ALDH6A1: variants seen among roughly 807,000 people sequenced by gnomAD.
ALDH6A1 encodes methylmalonate-semialdehyde/malonate-semialdehyde dehydrogenase [acylating], mitochondrial.
Under a neutral mutation model 62.6 loss-of-function variants are expected in ALDH6A1, and 43 were observed. That is an observed-to-expected ratio of 0.69 (90% confidence interval 0.54 to 0.89). The LOEUF (loss-of-function observed/expected upper bound fraction) is 0.89, where lower values mean the gene tolerates loss of function less well. Among genes scored for constraint, ALDH6A1 ranks in the 40% least tolerant of loss-of-function variants. The pLI is 0.00. For synonymous variants in ALDH6A1, 194 were observed against 234.2 expected, an observed-to-expected ratio of 0.83 and a Z score of 1.57; for missense variants, 551 against 661.3, an observed-to-expected ratio of 0.83 and a Z score of 1.83.
In ALDH6A1 at chr14:74,084,438, C is replaced by T; in HGVS notation, c.-44G>A. The T allele has an allele frequency of 1.2e-6, 2 of 1,608,984 alleles. No homozygotes were observed. The highest frequency in any genetic ancestry group is 1.1e-5 in the South Asian group (1 of 90,414). ...CTCCGCACCCCGCGCCTCTACTGCC[C>T]AGAAGCACTACAGCTGCCAGGCCTC... On this transcript the variant is annotated 5_prime_UTR_variant, in exon 1 of 12. Coordinates refer to ENST00000553458, the MANE Select transcript of ALDH6A1 (RefSeq NM_005589.4).
chr14:74,071,388 A>T lies in ALDH6A1; in HGVS notation c.537T>A (p.Cys179Ter). The T allele has an allele frequency of 1.9e-6, 3 of 1,614,178 alleles. No homozygotes were observed. Among genetic ancestry groups the T allele is most frequent in the Non-Finnish European group, 2.5e-6 (3 of 1,180,038 alleles). Residue 179 changes from cysteine (C) to a stop codon, truncating the protein, a stop_gained, in exon 6 of 12, where the codon TGT becomes TGA. Coordinates refer to ENST00000553458, the MANE Select transcript of ALDH6A1 (RefSeq NM_005589.4). LOFTEE classifies it high-confidence loss of function. ...GAAAATTGAATGGAGCAATGCCTGCACACACTCCCAGAGGCAGACGGTAGG... is the reference window on the plus strand; with the variant it reads ...GAAAATTGAATGGAGCAATGCCTGCTCACACTCCCAGAGGCAGACGGTAGG... Reference protein sequence around the residue: ...LYSYRLPLGVCAGIAPFNFPA... With the variant: ...LYSYRLPLGV
chr14:74,078,147 C>T, intron 1 of ALDH6A1: 1 of 453,278 alleles, frequency 2.2e-6, no homozygotes, highest in Non-Finnish European at 4.4e-6. Flanking sequence ...CCCAATTCTA[C>T]TAATTCCTCT....
At chr14:74,074,684 G>T (rs907012027) in intron 2 of ALDH6A1, among the ~76,000 whole-genome samples, 2 of 152,126 alleles carry the variant, frequency 1.3e-5, no homozygotes, top group Non-Finnish European at 2.9e-5. Flanking sequence ...TGCTGGAAGT[G>T]GTTGACAGAC....
At chr14:74,073,917 C>CAA (rs5809643) in intron 2 of ALDH6A1, among the ~76,000 whole-genome samples, 1,193 of 76,892 alleles carry the variant, frequency 0.016, 21 homozygotes, top group African/African-American at 0.056. Flanking sequence ...GACTCCATCT[C>CAA]AAAAAAAAAA....
intron 1 of ALDH6A1, among the ~76,000 whole-genome samples, chr14:74,077,409 A>G (rs1487464186): frequency 6.6e-6 from 1 of 152,164 alleles, no homozygotes; most frequent in Non-Finnish European, 1.5e-5. Flanking sequence ...TTTATAAGGA[A>G]AAGTAGTTTA....
At chr14:74,063,419 A>T (rs2060391025) in intron 11 of ALDH6A1, among the ~76,000 whole-genome samples, 1 of 151,944 alleles carries the variant, frequency 6.6e-6, no homozygotes, top group East Asian at 2.0e-4. Context: ...TCCTGACTTC[A>T]GGTGATCTGC....
intron 1 of ALDH6A1, among the ~76,000 whole-genome samples, chr14:74,081,570 G>C (rs2060668246): frequency 6.6e-6 from 1 of 152,122 alleles, no homozygotes; most frequent in African/African-American, 2.4e-5. Flanking sequence ...TGTTGCTGAA[G>C]AAACTATCCT....
intron 1 of ALDH6A1, among the ~76,000 whole-genome samples, chr14:74,077,902 G>A (rs1266110115): frequency 6.6e-6 from 1 of 152,254 alleles, no homozygotes; most frequent in Non-Finnish European, 1.5e-5. Context: ...TCCAGTTATA[G>A]AAAAGTAGTT....
In ALDH6A1 at chr14:74,059,947, C is replaced by T. The variant is rs1199078261; in HGVS notation, c.*695G>A. 6.5e-6 allele frequency: 1 copy of T among 153,370 alleles called. No individual in the cohort carries two copies. The allele number at this position is 153,370 out of a possible 1,614,324, so 9.5% of individuals were successfully genotyped here. On this transcript the variant is annotated 3_prime_UTR_variant, in exon 12 of 12. Coordinates refer to ENST00000553458, the MANE Select transcript of ALDH6A1 (RefSeq NM_005589.4). Reference sequence around the variant, plus strand: ...GAAAAGAAAGAAGCTGTTGCCACAACTTTGGGATATATAAAAATGGATTAT... The same window carrying T: ...GAAAAGAAAGAAGCTGTTGCCACAATTTTGGGATATATAAAAATGGATTAT...
chr14:74,081,708 G>T (rs942614515), intron 1 of ALDH6A1, among the ~76,000 whole-genome samples: 5 of 152,014 alleles, frequency 3.3e-5, no homozygotes, highest in Non-Finnish European at 1.5e-5. Flanking sequence ...CTTTCCCTAG[G>T]TCCCCACAGT....
chr14:74,078,443 T>G (rs1272639721), intron 1 of ALDH6A1: 1 of 278,060 alleles, frequency 3.6e-6, no homozygotes, highest in Admixed American at 4.8e-5. Flanking sequence ...AGCCTCCATC[T>G]CCTGGGCTCA....
rs1470471503 is a variant in ALDH6A1 at position 74,057,377 on chromosome 14, G to A, written c.*3265C>T. 6.4e-7 allele frequency: 1 copy of A among 1,558,296 alleles called. No individual in the cohort carries two copies. Among genetic ancestry groups the A allele is most frequent in the African/African-American group, 1.4e-5 (1 of 73,624 alleles). ...GAGAGACTTCAGGGATCAGTGGAAT[G>A]AGTAATAAATAGCATTAGTAGATTA... On this transcript the variant is annotated 3_prime_UTR_variant, in exon 12 of 12. Transcript: ENST00000553458.
chr14:74,074,125 T>C (rs2060584496), intron 2 of ALDH6A1, among the ~76,000 whole-genome samples: 1 of 150,092 alleles, frequency 6.7e-6, no homozygotes, highest in South Asian at 2.1e-4. Context: ...GCTGGGACCA[T>C]AGGTACGCAC....
At chr14:74,080,819 T>C (rs902394630) in intron 1 of ALDH6A1, among the ~76,000 whole-genome samples, 7 of 152,228 alleles carry the variant, frequency 4.6e-5, no homozygotes, top group African/African-American at 1.2e-4. Flanking sequence ...GGTCAGATTA[T>C]TCCCTTGTTT....
rs1053300473 is a variant in ALDH6A1, at chr14:74,071,231, CA to C, written c.693del (p.Asp232MetfsTer4). On this transcript the variant is annotated frameshift_variant, in exon 6 of 12. Coordinates refer to ENST00000553458, the MANE Select transcript of ALDH6A1 (RefSeq NM_005589.4). LOFTEE classifies it high-confidence loss of function. ...LAKLLQDSGAPDGTLNIIHGQ... is the reference protein window; with the variant it reads ...LAKLLQDSGAXDGTLNIIHGQ... ...CCATGGATGATGTTTAATGTTCCATCAGGGGCACCAGAATCCTGGAGCAACT... is the reference window on the plus strand; with the variant it reads ...CCATGGATGATGTTTAATGTTCCATCGGGGCACCAGAATCCTGGAGCAACT... 2 of 1,614,064 alleles carry C rather than the reference CA, an allele frequency of 1.2e-6. No homozygotes were observed. Among genetic ancestry groups the C allele is most frequent in the African/African-American group, 1.3e-5 (1 of 74,918 alleles).
intron 1 of ALDH6A1, chr14:74,082,648 C>G (rs1240958670): frequency 6.6e-6 from 1 of 152,098 alleles, no homozygotes; most frequent in Non-Finnish European, 1.5e-5. Context: ...GATCCACCCA[C>G]CTTGGCCTCC....
At chr14:74,070,704 C>T (rs2060537598) in intron 6 of ALDH6A1, 4 of 181,220 alleles carry the variant, frequency 2.2e-5, no homozygotes, top group Admixed American at 2.2e-4. Context: ...ATTAATTTCA[C>T]TATGTCTCAT....
In ALDH6A1 at chr14:74,072,244, G is replaced by C; in HGVS notation, c.307C>G (p.Gln103Glu). ...WADTSVLSRQ[Q>E]VLLRYQQLIK... ...AGTTGTTGATAGCGGAGCAAGACCT[G>C]CTGGCGGCTTAATACTGAAGTGTCT... is the stretch of plus-strand genomic sequence containing the variant. The change falls in exon 4 of 12, where the codon CAG (glutamine) becomes GAG (glutamate). Residue 103 changes from glutamine to glutamate, a missense_variant. Physicochemically the swap from Gln to Glu is conservative, Grantham distance 29. Coordinates refer to ENST00000553458, the MANE Select transcript of ALDH6A1 (RefSeq NM_005589.4). 1 of 1,614,228 alleles carries C rather than the reference G, an allele frequency of 6.2e-7. No individual in the cohort carries two copies. The highest frequency in any genetic ancestry group is 8.5e-7 in the Non-Finnish European group (1 of 1,180,040).
In ALDH6A1 at chr14:74,072,599, G is replaced by C. The variant is rs772666538; in HGVS notation, c.124C>G (p.Leu42Val). 6.2e-7 allele frequency: 1 copy of C among 1,613,448 alleles called. No individual in the cohort carries two copies. Among genetic ancestry groups the C allele is most frequent in the East Asian group, 2.2e-5 (1 of 44,856 alleles). ...SFSSSVPTVK[L>V]FIGGKFVESK... ...TCAACGAATTTCCCACCAATGAAGAGCTTTACAGTTGGCTGAAAAAAACAA... is the reference window on the plus strand; with the variant it reads ...TCAACGAATTTCCCACCAATGAAGACCTTTACAGTTGGCTGAAAAAAACAA... The change falls in exon 3 of 12, where the codon CTC (leucine) becomes GTC (valine). Residue 42 changes from leucine (L) to valine (V), a missense_variant. Transcript: ENST00000553458.
Sources: gnomAD v4.1 joint callset for allele counts (sites outside exome capture counted in the v4.1 genomes callset) on GRCh38, gnomAD v4.1.1 for gene constraint, MANE v1.5 for transcripts, NCBI Gene and HGNC (gene_info 2026-07-23, HGNC 2026-07-21) for gene names.